The following GTF3C1 variants were observed in gnomAD, a reference collection of about 807,000 sequenced individuals.
GTF3C1 encodes the protein general transcription factor IIIC subunit 1, also known as general transcription factor 3C polypeptide 1.
A neutral mutation model predicts 226.7 loss-of-function variants in GTF3C1; 57 were observed. The observed-to-expected ratio is 0.25, with a 90% CI of 0.20 to 0.31. The LOEUF (loss-of-function observed/expected upper bound fraction) is 0.31. GTF3C1 is among the 10% of genes least tolerant of loss of function. The pLI, the probability that GTF3C1 is intolerant of heterozygous loss-of-function variation, is 1.00. For synonymous variants in GTF3C1, 1,090 were observed against 1,084.8 expected (o/e 1.00, Z -0.09); for missense variants, 2,217 against 2,776.1 (o/e 0.80, Z 4.53).
At chr16:27,548,451 G>C (rs1444979377) in intron 1 of GTF3C1, among the ~76,000 whole-genome samples, 11 of 152,280 alleles carry the variant, frequency 7.2e-5, no homozygotes, top group African/African-American at 2.6e-4. Context: ...ATTTTTAGTA[G>C]AGATAGGGTT....
At chr16:27,494,686 C>T in intron 16 of GTF3C1, 77 bp downstream of exon 16, 1 of 1,075,444 alleles carries the variant, frequency 9.3e-7, no homozygotes, top group Non-Finnish European at 1.4e-6. Flanking sequence ...AGTATCCTCC[C>T]TTGCCCAGGT....
Position 27,505,889 on chromosome 16 carries a change from A to G in GTF3C1, c.1770+10T>C. On this transcript the variant is annotated intron_variant, in intron 10 of 36. Coordinates refer to ENST00000356183, the MANE Select transcript of GTF3C1 (RefSeq NM_001520.4). ...CTTGGAGACAGCTCCCTCCCTCTGC[A>G]TGCACTGACCTTTGGGTTTTCCATC... 1 of 1,492,676 alleles carries G rather than the reference A, an allele frequency of 6.7e-7. No individual in the cohort carries two copies. Among genetic ancestry groups the G allele is most frequent in the Non-Finnish European group, 9.4e-7 (1 of 1,069,150 alleles). The allele number at this position is 1,492,676 out of a possible 1,614,324, so 92.5% of individuals were successfully genotyped here.
At chr16:27,544,119 T>G (rs2089129930) in intron 2 of GTF3C1, among the ~76,000 whole-genome samples, 1 of 152,136 alleles carries the variant, frequency 6.6e-6, no homozygotes, top group Non-Finnish European at 1.5e-5. Context: ...CAGGGGGCCG[T>G]TGCTCACACT....
At chr16:27,510,066 T>C (rs572283505) in intron 7 of GTF3C1, among the ~76,000 whole-genome samples, 1 of 152,050 alleles carries the variant, frequency 6.6e-6, no homozygotes, top group Non-Finnish European at 1.5e-5. Flanking sequence ...CTGACCAGCA[T>C]GATGAAACCT....
Position 27,476,469 on chromosome 16 carries a change from C to G in GTF3C1, c.4335G>C (p.Lys1445Asn), listed in dbSNP as rs1437176754. The change falls in exon 29 of 37, where the codon AAG (lysine) becomes AAC (asparagine). Residue 1445 changes from lysine (K) to asparagine (N), a missense_variant. Physicochemically the swap from Lys to Asn is moderately conservative, Grantham distance 94. This residue lies in a region of GTF3C1 where 546 missense variants were observed against 663.0 expected (regional missense o/e 0.82). Transcript: ENST00000356183. ...CACCCACCTGGAATGACTGGTAGGA[C>G]TTCATCTGACTGTCTGAGAGGGCCA... ...STLALSDSQM[K>N]SYQSFQTFRL... is the part of the protein sequence containing the mutation. 1 of 1,611,224 alleles carries G rather than the reference C, an allele frequency of 6.2e-7. No individual in the cohort carries two copies. The highest frequency in any genetic ancestry group is 8.5e-7 in the Non-Finnish European group (1 of 1,177,492).
chr16:27,534,471 G>GA (rs1179064651), intron 4 of GTF3C1, among the ~76,000 whole-genome samples: 2 of 152,186 alleles, frequency 1.3e-5, no homozygotes, highest in Admixed American at 1.3e-4. Flanking sequence ...CTCAATGAAT[G>GA]AAAGAATAAA....
In GTF3C1 at chr16:27,549,874, G is replaced by A; in HGVS notation, c.17C>T (p.Ser6Leu). 2.5e-6 allele frequency: 4 copies of A among 1,611,884 alleles called. No individual in the cohort carries two copies. The highest frequency in any genetic ancestry group is 2.5e-6 in the Non-Finnish European group (3 of 1,178,808). Reference sequence around the variant, plus strand: ...CTCCAGAGCGACTTCGTCCAACAACGACTCCAGCGCGTCCATTGCTACTTC... The same window carrying A: ...CTCCAGAGCGACTTCGTCCAACAACAACTCCAGCGCGTCCATTGCTACTTC... Reference protein sequence around the residue: MDALESLLDEVALEGL... With the variant: MDALELLLDEVALEGL... The change falls in exon 1 of 37, where the codon TCG becomes TTG. Residue 6 changes from serine to leucine, a missense_variant. Ser to Leu is a moderately radical substitution (Grantham distance 145). Coordinates refer to ENST00000356183, the MANE Select transcript of GTF3C1 (RefSeq NM_001520.4).
intron 11 of GTF3C1, 95 bp from the exon 12 acceptor site, chr16:27,501,439 T>C (rs232072): frequency 0.13 from 142,842 of 1,085,934 alleles, 10,944 homozygotes; most frequent in Middle Eastern, 0.17. Flanking sequence ...CGGTACCCAA[T>C]AGAAACAAGG....
chr16:27,499,384 G>T (rs562073263), intron 12 of GTF3C1, among the ~76,000 whole-genome samples: 1 of 152,302 alleles, frequency 6.6e-6, no homozygotes, highest in East Asian at 1.9e-4. Context: ...GTGGGGCAGG[G>T]TGTGTGTGAG....
chr16:27,537,873 C>A lies in GTF3C1; in HGVS notation c.663G>T (p.Leu221=). The stretch of plus-strand genomic sequence containing the variant: ...GGATCACATGGGACTGCATTGTAAT[C>A]AGCCCGTTTTTGTTCAAAATTTTTC... The part of the protein sequence containing the change: ...YHRKILNKNG[L]ITMQSHVIRL... Residue 221 remains leucine (L), a synonymous_variant, in exon 4 of 37, where the codon CTG becomes CTT. Coordinates refer to ENST00000356183, the MANE Select transcript of GTF3C1 (RefSeq NM_001520.4). 1.2e-6 allele frequency: 2 copies of A among 1,613,690 alleles called. No individual in the cohort carries two copies. Among genetic ancestry groups the A allele is most frequent in the Non-Finnish European group, 1.7e-6 (2 of 1,179,576 alleles).
intron 4 of GTF3C1, among the ~76,000 whole-genome samples, chr16:27,535,575 A>T (rs1192189137): frequency 3.1e-5 from 4 of 130,276 alleles, no homozygotes; most frequent in South Asian, 2.5e-4. Flanking sequence ...ACTGTCAAAT[A>T]AAAAAAAAAA....
chr16:27,483,069 C>G lies in GTF3C1; in HGVS notation c.4058G>C (p.Arg1353Pro). The G allele has an allele frequency of 6.2e-7, 1 of 1,614,160 alleles. No individual in the cohort carries two copies. Among genetic ancestry groups the G allele is most frequent in the Non-Finnish European group, 8.5e-7 (1 of 1,180,014 alleles). Residue 1353 changes from arginine to proline, a missense_variant, in exon 26 of 37, where the codon CGA becomes CCA. By Grantham distance (103) the Arg-to-Pro change is moderately radical. Transcript: ENST00000356183. ...CTTTGGGTCATCATAGTCACCTCTT[C>G]GATTCATGAAATCTCCAACAAGTGC... Reference protein sequence around the residue: ...DKALVGDFMNRRGDYDDPKVC... With the variant: ...DKALVGDFMNPRGDYDDPKVC...
chr16:27,483,351 C>T, intron 25 of GTF3C1: 4 of 652,278 alleles, frequency 6.1e-6, no homozygotes, highest in Non-Finnish European at 1.1e-5. Flanking sequence ...CTTCTCTGAA[C>T]TTCCGTCCTT....
In GTF3C1 at chr16:27,492,108, AAGT is replaced by A. The variant is rs1181172008; in HGVS notation, c.3151+227_3151+229del. On this transcript the variant is annotated intron_variant, in intron 19 of 36. Coordinates refer to ENST00000356183, the MANE Select transcript of GTF3C1 (RefSeq NM_001520.4). This position sits in a 1 kb window ranked among gnomAD's most constrained non-coding sequence, Gnocchi z 5.0. Reference sequence around the variant, plus strand: ...CCTACTCAATGAACAAATGAAGACAAAGTGCAGCTACTTGGGCTCAACTGAGTG... The same window carrying A: ...CCTACTCAATGAACAAATGAAGACAAGCAGCTACTTGGGCTCAACTGAGTG... Among the ~76,000 whole-genome samples the A allele has an allele frequency of 6.6e-6, 1 of 152,180 alleles. No homozygotes were observed. Among genetic ancestry groups the A allele is most frequent in the Non-Finnish European group, 1.5e-5 (1 of 68,032 alleles).
chr16:27,518,666 T>C (rs983882509), intron 6 of GTF3C1, among the ~76,000 whole-genome samples: 4 of 152,080 alleles, frequency 2.6e-5, no homozygotes, highest in Non-Finnish European at 5.9e-5. Flanking sequence ...GCCCAGAACA[T>C]GTACAGATGA....
Position 27,483,111 on chromosome 16 carries a change from T to C in GTF3C1, c.4016A>G (p.Glu1339Gly). Residue 1339 changes from glutamate to glycine, a missense_variant, in exon 26 of 37, where the codon GAG (glutamate) becomes GGG (glycine). This residue lies in a region of GTF3C1 where 546 missense variants were observed against 663.0 expected (regional missense o/e 0.82). Transcript: ENST00000356183. ...AYLNYKVCLA[E>G]VYQDKALVGD... ...AACAAGTGCTTTATCCTGGTACACC[T>C]CGGCCAGGCACACTCTGCAGGAAGA... The C allele has an allele frequency of 6.2e-7, 1 of 1,614,148 alleles. No individual in the cohort carries two copies. The highest frequency in any genetic ancestry group is 8.5e-7 in the Non-Finnish European group (1 of 1,180,004).
chr16:27,483,378 C>T lies in GTF3C1; in HGVS notation c.4002-253G>A, dbSNP rs76999694. On this transcript the variant is annotated intron_variant, in intron 25 of 36. Coordinates refer to ENST00000356183, the MANE Select transcript of GTF3C1 (RefSeq NM_001520.4). ...TCCGTCCTTCATAGGTAACCGAGAACACTGAGTCCCAAACTGTCTCTCACA... is the reference window on the plus strand; with the variant it reads ...TCCGTCCTTCATAGGTAACCGAGAATACTGAGTCCCAAACTGTCTCTCACA... The T allele has an allele frequency of 1.9e-3, 1,182 of 610,350 alleles. 20 individuals are homozygous for T. The highest frequency in any genetic ancestry group is 0.019 in the African/African-American group (1,061 of 55,190). 37.8% of individuals were successfully genotyped at this position (610,350 alleles called of 1,614,324 possible). A position where few individuals can be genotyped will look rare whatever the true frequency, so the allele number is the denominator to read the frequency against.
Position 27,506,051 on chromosome 16 carries a change from C to T in GTF3C1, c.1618G>A (p.Glu540Lys). The change falls in exon 10 of 37, where the codon GAA (glutamate) becomes AAA (lysine). Residue 540 changes from glutamate to lysine, a missense_variant. This residue lies in a region of GTF3C1 where 173 missense variants were observed against 207.2 expected (regional missense o/e 0.83). Coordinates refer to ENST00000356183, the MANE Select transcript of GTF3C1 (RefSeq NM_001520.4). ...GCAAGGCTCTGGCAGGCTCTCTCTT[C>T]AGCAGCTCCTGGGAAGGAGGGCGGC... is the stretch of plus-strand genomic sequence containing the variant. ...KQPPSFPGAA[E>K]ERACQSLASR... 2 of 1,614,046 alleles carry T rather than the reference C, an allele frequency of 1.2e-6. No homozygotes were observed. Among genetic ancestry groups the T allele is most frequent in the South Asian group, 2.2e-5 (2 of 91,078 alleles).
Position 27,536,762 on chromosome 16 carries a change from C to G in GTF3C1, c.752+1022G>C, listed in dbSNP as rs148957099. 3.3e-5 allele frequency among the ~76,000 whole-genome samples: 5 copies of G among 152,324 alleles called. No homozygotes were observed. The East Asian group carries it at 9.6e-4, about 29-fold the overall frequency. On this transcript the variant is annotated intron_variant, in intron 4 of 36. Transcript: ENST00000356183. ...AGAGCTGCTGGCCAGGTACTGAGGG[C>G]TCAGGGCTTCCTCAGCTAAGGGCTG...
Sources: allele counts gnomAD v4.1 joint callset (sites outside exome capture counted in the v4.1 genomes callset), GRCh38; gene constraint gnomAD v4.1.1; regional missense constraint gnomAD v4.1.1; non-coding constraint Gnocchi (gnomAD v3.1); transcripts MANE v1.5; gene names NCBI Gene and HGNC (gene_info 2026-07-23, HGNC 2026-07-21).